CDH13: variants seen among roughly 807,000 people sequenced by gnomAD.
CDH13 encodes cadherin-13.
A neutral mutation model predicts 63.8 loss-of-function variants in CDH13; 24 were observed. The observed-to-expected ratio is 0.38, with a 90% confidence interval of 0.27 to 0.53. The LOEUF is 0.53. CDH13 is among the 20% of genes least tolerant of loss of function. The pLI is 0.85. For missense variants in CDH13, 1,049 were observed against 903.1 expected, an observed-to-expected ratio of 1.16 and a Z score of -2.07; for synonymous variants, 503 against 355.3, an observed-to-expected ratio of 1.42 and a Z score of -4.67.
intron 8 of CDH13, among the ~76,000 whole-genome samples, chr16:83,629,729 C>G (rs891150559): frequency 6.6e-5 from 10 of 152,182 alleles, no homozygotes; most frequent in Admixed American, 3.9e-4. Flanking sequence ...ATCCTCGACA[C>G]AATTTAAATC....
In CDH13 at chr16:83,395,351, G is replaced by A. The variant is rs113747676; in HGVS notation, c.781+50345G>A. ...AGTCAAGGAAGATCAAATACTCAAG[G>A]CTCCTAGTGATCATCAATTAGACAT... On this transcript the variant is annotated intron_variant, in intron 6 of 13. Transcript: ENST00000567109. Among the ~76,000 whole-genome samples the A allele has an allele frequency of 1.9e-4, 29 of 151,958 alleles. 1 individual carries two copies. Among genetic ancestry groups the A allele is most frequent in the African/African-American group, 6.5e-4 (27 of 41,470 alleles).
intron 10 of CDH13, among the ~76,000 whole-genome samples, chr16:83,680,436 T>C (rs1915313233): frequency 6.6e-6 from 1 of 152,098 alleles, no homozygotes; most frequent in African/African-American, 2.4e-5. Flanking sequence ...AGGCAGCCCA[T>C]AGGTGCAGTC....
chr16:83,015,587 T>C (rs1442090905), intron 2 of CDH13, among the ~76,000 whole-genome samples: 1 of 147,934 alleles, frequency 6.8e-6, no homozygotes, highest in Non-Finnish European at 1.5e-5. Context: ...TTACATCCAT[T>C]TAAACATCTG....
intron 7 of CDH13, among the ~76,000 whole-genome samples, chr16:83,555,162 G>C (rs575176923): frequency 2.2e-4 from 33 of 152,260 alleles, no homozygotes; most frequent in Admixed American, 1.9e-3. Context: ...GCTTGAAAGA[G>C]GGGAGATTTT....
intron 5 of CDH13, among the ~76,000 whole-genome samples, chr16:83,324,010 A>C (rs950821638): frequency 2.7e-5 from 4 of 150,556 alleles, no homozygotes; most frequent in African/African-American, 9.8e-5. Flanking sequence ...CAGTCATGCA[A>C]CCATCATCAC....
chr16:82,658,852 G>A (rs1241595154), intron 1 of CDH13, among the ~76,000 whole-genome samples: 1 of 152,188 alleles, frequency 6.6e-6, no homozygotes, highest in Non-Finnish European at 1.5e-5. Flanking sequence ...CTGTTTGTGG[G>A]TATGTATGGA....
intron 11 of CDH13, among the ~76,000 whole-genome samples, chr16:83,760,548 TC>T (rs1567577999): frequency 6.6e-6 from 1 of 152,194 alleles, no homozygotes; most frequent in East Asian, 1.9e-4. Context: ...CATGGGTGAA[TC>T]TCACAAACAT....
At chr16:82,794,162 C>T (rs140914352) in intron 1 of CDH13, among the ~76,000 whole-genome samples, 5 of 151,126 alleles carry the variant, frequency 3.3e-5, no homozygotes, top group Non-Finnish European at 7.4e-5. Context: ...AATTTTTTTG[C>T]AATTTTTTTT....
intron 7 of CDH13, among the ~76,000 whole-genome samples, chr16:83,575,597 A>G (rs533162373): frequency 3.9e-5 from 6 of 152,140 alleles, no homozygotes; most frequent in South Asian, 2.1e-4. Context: ...TGCACATGCT[A>G]TTCATGACCT....
chr16:82,725,139 G>A (rs1411482321), intron 1 of CDH13, among the ~76,000 whole-genome samples: 3 of 148,218 alleles, frequency 2.0e-5, no homozygotes, highest in Non-Finnish European at 4.5e-5. Context: ...TGGTCATGGT[G>A]ATGGTGATGA....
At chr16:82,976,791 A>G (rs1234050433) in intron 2 of CDH13, among the ~76,000 whole-genome samples, 2 of 152,328 alleles carry the variant, frequency 1.3e-5, no homozygotes, top group African/African-American at 2.4e-5. Context: ...TGAACACATT[A>G]TTCTGCCTGG....
At chr16:82,915,440 C>A (rs1487673225) in intron 2 of CDH13, among the ~76,000 whole-genome samples, 2 of 152,208 alleles carry the variant, frequency 1.3e-5, no homozygotes, top group African/African-American at 4.8e-5. Flanking sequence ...TCTTCAGCAG[C>A]TTCCTGCCCA....
At chr16:83,014,325 A>G (rs1914465091) in intron 2 of CDH13, among the ~76,000 whole-genome samples, 1 of 149,804 alleles carries the variant, frequency 6.7e-6, no homozygotes, top group Non-Finnish European at 1.5e-5. Context: ...TCGATAAAAA[A>G]AAAAAAAAAA....
In CDH13 at chr16:83,324,147, T is replaced by A. The variant is rs79610743; in HGVS notation, c.637-20715T>A. The stretch of plus-strand genomic sequence containing the variant: ...CCACCTCCCAGGTTCAAGTAGTTCC[T>A]TGCCTCAGCCTCCTGAGTATCTGCG... On this transcript the variant is annotated intron_variant, in intron 5 of 13. Coordinates refer to ENST00000567109, the MANE Select transcript of CDH13 (RefSeq NM_001257.5). 7.6e-4 allele frequency among the ~76,000 whole-genome samples: 115 copies of A among 151,830 alleles called. 1 individual carries two copies. In the East Asian group the frequency reaches 0.012, roughly 15 times the overall value.
intron 5 of CDH13, among the ~76,000 whole-genome samples, chr16:83,332,055 G>C (rs2090492744): frequency 6.6e-6 from 1 of 152,028 alleles, no homozygotes; most frequent in East Asian, 1.9e-4. Flanking sequence ...ATATATGAGA[G>C]TTTATTTCCT....
chr16:83,150,698 T>C (rs761691737), intron 4 of CDH13, among the ~76,000 whole-genome samples: 11 of 152,210 alleles, frequency 7.2e-5, no homozygotes, highest in Non-Finnish European at 1.0e-4. Context: ...TATGCTTATA[T>C]AGTAAGCAAC....
chr16:83,380,536 G>A (rs1211738526), intron 6 of CDH13, among the ~76,000 whole-genome samples: 1 of 152,148 alleles, frequency 6.6e-6, no homozygotes, highest in Non-Finnish European at 1.5e-5. Flanking sequence ...TCAAGAGTGA[G>A]ACATTTCTTT....
intron 4 of CDH13, among the ~76,000 whole-genome samples, chr16:83,132,574 A>C (rs56050013): frequency 0.073 from 10,967 of 150,020 alleles, 573 homozygotes; most frequent in Non-Finnish European, 0.1. Context: ...AGCCTCCCTA[A>C]CTGGGACTAC....
At chr16:83,651,658 C>A (rs1405785081) in intron 8 of CDH13, among the ~76,000 whole-genome samples, 1 of 131,842 alleles carries the variant, frequency 7.6e-6, no homozygotes, top group Non-Finnish European at 1.6e-5. Context: ...TGCAGTAGCA[C>A]AATCTTGGCT....
Sources: gnomAD v4.1 joint callset for allele counts (sites outside exome capture counted in the v4.1 genomes callset) on GRCh38, gnomAD v4.1.1 for gene constraint, MANE v1.5 for transcripts, NCBI Gene and HGNC (gene_info 2026-07-23, HGNC 2026-07-21) for gene names.